Variants in SPAG16 observed in about 807,000 individuals in gnomAD.
The protein encoded by SPAG16 is sperm associated antigen 16.
SPAG16 carries 86 observed loss-of-function variants against 80.4 expected under a neutral mutation model. That is an observed-to-expected ratio of 1.07 (90% CI 0.90 to 1.28). The LOEUF is 1.28. Ranked by LOEUF, SPAG16 falls within the 50% of genes most tolerant of loss-of-function variation. The probability of loss-of-function intolerance (pLI) is 0.00; values close to 1 mark genes in which losing one functional copy is unlikely to be tolerated. For missense variants in SPAG16, 870 were observed against 765.3 expected, an observed-to-expected ratio of 1.14 and a Z score of -1.61; for synonymous variants, 294 against 265.9, an observed-to-expected ratio of 1.11 and a Z score of -1.03.
Position 214,365,655 on chromosome 2 carries a change from G to C in SPAG16, c.1721-44485G>C, listed in dbSNP as rs184272970. Among the ~76,000 whole-genome samples, 124 of 152,218 alleles carry C rather than the reference G, an allele frequency of 8.1e-4. 1 individual carries two copies. Among genetic ancestry groups the C allele is most frequent in the East Asian group, 7.5e-3 (39 of 5,178 alleles). On this transcript the variant is annotated intron_variant, in intron 15 of 15. Transcript: ENST00000331683. ...ACAGTATTTCCATTATGATATAAAGGTGACTGATGCTCATTTCCTATACTT... is the reference window on the plus strand; with the variant it reads ...ACAGTATTTCCATTATGATATAAAGCTGACTGATGCTCATTTCCTATACTT...
chr2:213,600,865 CTTAAAAG>C (rs1161533997), intron 10 of SPAG16, among the ~76,000 whole-genome samples: 1 of 152,148 alleles, frequency 6.6e-6, no homozygotes, highest in Non-Finnish European at 1.5e-5. Context: ...TGAAGGTTCA[CTTAAAAG>C]TTAATTGATA....
chr2:213,749,583 T>G (rs992681468), intron 10 of SPAG16, among the ~76,000 whole-genome samples: 2 of 152,198 alleles, frequency 1.3e-5, no homozygotes. Flanking sequence ...TTATGGTTCT[T>G]CACTTGAAAT....
At chr2:213,499,339 C>T (rs748718426) in intron 10 of SPAG16, among the ~76,000 whole-genome samples, 2 of 152,064 alleles carry the variant, frequency 1.3e-5, no homozygotes, top group Non-Finnish European at 2.9e-5. Flanking sequence ...TAGAACAGAT[C>T]CTATGGATTC....
intron 10 of SPAG16, among the ~76,000 whole-genome samples, chr2:213,498,188 G>A (rs1483370881): frequency 1.3e-5 from 2 of 152,136 alleles, no homozygotes; most frequent in African/African-American, 4.8e-5. Flanking sequence ...TTTTGATTTA[G>A]GTGAAGCACC....
At chr2:213,533,665 A>C (rs952264500) in intron 10 of SPAG16, among the ~76,000 whole-genome samples, 3 of 152,162 alleles carry the variant, frequency 2.0e-5, no homozygotes, top group Non-Finnish European at 4.4e-5. Context: ...AAGGAACTCT[A>C]TTAATTTTTC....
intron 7 of SPAG16, among the ~76,000 whole-genome samples, chr2:213,362,949 G>A (rs1169739519): frequency 6.6e-6 from 1 of 152,110 alleles, no homozygotes; most frequent in African/African-American, 2.4e-5. Flanking sequence ...CAAGAGATTT[G>A]GAGAGGACAA....
intron 10 of SPAG16, among the ~76,000 whole-genome samples, chr2:213,633,766 A>G (rs1458504769): frequency 2.0e-5 from 3 of 152,120 alleles, no homozygotes; most frequent in African/African-American, 7.2e-5. Flanking sequence ...CCCCTTTATA[A>G]TTATATGATG....
intron 15 of SPAG16, among the ~76,000 whole-genome samples, chr2:214,192,318 C>G (rs1230602679): frequency 6.6e-6 from 1 of 151,932 alleles, no homozygotes; most frequent in Non-Finnish European, 1.5e-5. Context: ...TTTCCTGATG[C>G]CTTAAGAAAA....
intron 10 of SPAG16, among the ~76,000 whole-genome samples, chr2:213,542,917 A>C (rs2076499282): frequency 6.6e-6 from 1 of 152,124 alleles, no homozygotes. Context: ...AAAAAACAGA[A>C]ATGATAGAGA....
At chr2:214,246,600 C>A (rs1182642258) in intron 15 of SPAG16, among the ~76,000 whole-genome samples, 1 of 152,034 alleles carries the variant, frequency 6.6e-6, no homozygotes, top group Non-Finnish European at 1.5e-5. Flanking sequence ...CAGAGAACAA[C>A]CAAGCAGAGC....
intron 15 of SPAG16, among the ~76,000 whole-genome samples, chr2:214,381,685 T>C (rs572869301): frequency 6.6e-6 from 1 of 152,342 alleles, no homozygotes; most frequent in East Asian, 1.9e-4. Context: ...CTGTGCCATG[T>C]CCAGGGAGAC....
chr2:214,393,009 A>C (rs1701178538), intron 15 of SPAG16, among the ~76,000 whole-genome samples: 1 of 152,206 alleles, frequency 6.6e-6, no homozygotes. Context: ...AAAATAATTT[A>C]AAGTAGGTAT....
chr2:214,399,135 T>G (rs180866105), intron 15 of SPAG16, among the ~76,000 whole-genome samples: 56 of 152,262 alleles, frequency 3.7e-4, no homozygotes, highest in African/African-American at 1.2e-3. Context: ...TCAGAGCTAA[T>G]CTATGATTTC....
chr2:213,507,315 T>A (rs2075006783), intron 10 of SPAG16, among the ~76,000 whole-genome samples: 1 of 152,248 alleles, frequency 6.6e-6, no homozygotes, highest in South Asian at 2.1e-4. Flanking sequence ...AAAGACCCTG[T>A]TCTTGTACTA....
At chr2:214,127,511 G>GA (rs1165499410) in intron 14 of SPAG16, among the ~76,000 whole-genome samples, 1 of 151,862 alleles carries the variant, frequency 6.6e-6, no homozygotes, top group African/African-American at 2.4e-5. Context: ...CAAGGAGGAG[G>GA]AGAGTTTGGA....
At chr2:213,401,947 A>G (rs760384705) in intron 9 of SPAG16, among the ~76,000 whole-genome samples, 1 of 152,108 alleles carries the variant, frequency 6.6e-6, no homozygotes, top group Non-Finnish European at 1.5e-5. Flanking sequence ...AAAAACTTCA[A>G]ACGTTTTAAA....
intron 12 of SPAG16, among the ~76,000 whole-genome samples, chr2:213,974,110 A>G (rs931826411): frequency 7.9e-5 from 12 of 152,166 alleles, no homozygotes; most frequent in Admixed American, 7.2e-4. Context: ...AGAACTGAAT[A>G]GAATCCTGTT....
intron 10 of SPAG16, among the ~76,000 whole-genome samples, chr2:213,491,288 T>G (rs2074223778): frequency 6.6e-6 from 1 of 152,238 alleles, no homozygotes. Flanking sequence ...TTTGGAATTC[T>G]ACACAATATT....
intron 12 of SPAG16, among the ~76,000 whole-genome samples, chr2:214,006,823 C>T (rs569605557): frequency 9.2e-5 from 14 of 152,296 alleles, no homozygotes; most frequent in South Asian, 2.1e-4. Flanking sequence ...CAGTGACTCA[C>T]GAGCAGATTT....
Sources: allele counts gnomAD v4.1 joint callset (sites outside exome capture counted in the v4.1 genomes callset), GRCh38; gene constraint gnomAD v4.1.1; transcripts MANE v1.5; gene names NCBI Gene and HGNC (gene_info 2026-07-23, HGNC 2026-07-21).